ENTHD1: variants seen among roughly 807,000 people sequenced by gnomAD.
ENTHD1 encodes ENTH domain containing 1.
Under a neutral mutation model 39.1 loss-of-function variants are expected in ENTHD1, and 23 were observed. The ratio of observed to expected loss-of-function variants is 0.59; its 90% CI spans 0.42 to 0.83. ENTHD1 has a LOEUF of 0.83. ENTHD1 is among the 40% of genes least tolerant of loss of function. The probability of loss-of-function intolerance (pLI) is 0.00; values close to 1 mark genes in which losing one functional copy is unlikely to be tolerated. For missense variants in ENTHD1, 624 were observed against 705.4 expected (o/e 0.88, Z 1.31); for synonymous variants, 230 against 258.2 (o/e 0.89, Z 1.05).
chr22:39,851,698 A>G (rs2066041503), intron 3 of ENTHD1, among the ~76,000 whole-genome samples: 2 of 152,210 alleles, frequency 1.3e-5, no homozygotes, highest in Admixed American at 1.3e-4. Flanking sequence ...CTGATCTACT[A>G]ACAACTGCTC....
At chr22:39,790,568 C>T (rs1450689356) in intron 5 of ENTHD1, among the ~76,000 whole-genome samples, 1 of 152,208 alleles carries the variant, frequency 6.6e-6, no homozygotes, top group Non-Finnish European at 1.5e-5. Flanking sequence ...ACAGTTCTCT[C>T]CTACATAACT....
chr22:39,811,648 T>C (rs1328543889), intron 5 of ENTHD1, among the ~76,000 whole-genome samples: 3 of 152,318 alleles, frequency 2.0e-5, no homozygotes, highest in Admixed American at 6.5e-5. Context: ...GAGATGAAAC[T>C]GGATGTACGC....
At chr22:39,808,409 CT>C (rs1259214316) in intron 5 of ENTHD1, among the ~76,000 whole-genome samples, 1 of 152,160 alleles carries the variant, frequency 6.6e-6, no homozygotes, top group Non-Finnish European at 1.5e-5. Context: ...TAGCACAGTG[CT>C]TAGTACACAG....
At chr22:39,760,235 CAAATT>C (rs1361983122) in intron 6 of ENTHD1, among the ~76,000 whole-genome samples, 1 of 151,980 alleles carries the variant, frequency 6.6e-6, no homozygotes, top group Non-Finnish European at 1.5e-5. Flanking sequence ...AATAAAATCT[CAAATT>C]AAAACTGCAG....
rs111747918 is a variant in ENTHD1, at chr22:39,846,378, T to C, written c.593-10420A>G. ...ACCATGTCCAGCTAATTTGTTTTTT[T>C]TCTTAAGAGACAGGGTCAGATGAGT... On this transcript the variant is annotated intron_variant, in intron 3 of 6. Transcript: ENST00000325157. 2.8e-3 allele frequency among the ~76,000 whole-genome samples: 432 copies of C among 152,288 alleles called. 1 individual carries two copies. The highest frequency in any genetic ancestry group is 4.7e-3 in the Non-Finnish European group (323 of 68,022).
intron 4 of ENTHD1, among the ~76,000 whole-genome samples, chr22:39,826,654 T>A (rs1302057329): frequency 6.6e-6 from 1 of 152,198 alleles, no homozygotes; most frequent in Admixed American, 6.5e-5. Context: ...TGAACCTTAA[T>A]GTAAACTGGA....
chr22:39,790,171 G>T (rs1224663222), intron 5 of ENTHD1, among the ~76,000 whole-genome samples: 3 of 152,158 alleles, frequency 2.0e-5, no homozygotes, highest in Non-Finnish European at 4.4e-5. Flanking sequence ...GTCCCTGGGA[G>T]GTGCTTAAGC....
At chr22:39,816,558 A>G (rs1409922404) in intron 5 of ENTHD1, among the ~76,000 whole-genome samples, 1 of 152,232 alleles carries the variant, frequency 6.6e-6, no homozygotes, top group East Asian at 1.9e-4. Flanking sequence ...AGTGCAGGTT[A>G]AAGAGTCATT....
At chr22:39,844,502 C>T (rs2146692019) in intron 3 of ENTHD1, among the ~76,000 whole-genome samples, 1 of 152,208 alleles carries the variant, frequency 6.6e-6, no homozygotes, top group African/African-American at 2.4e-5. Flanking sequence ...GTAGCTGACT[C>T]CTGGGTTAAG....
chr22:39,880,630 T>C (rs2066329502), intron 2 of ENTHD1, among the ~76,000 whole-genome samples: 2 of 152,218 alleles, frequency 1.3e-5, no homozygotes, highest in South Asian at 4.1e-4. Flanking sequence ...GCTGTGAATC[T>C]GAAACTGCTC....
intron 5 of ENTHD1, among the ~76,000 whole-genome samples, chr22:39,766,842 A>G (rs1013454877): frequency 2.6e-5 from 4 of 152,212 alleles, no homozygotes; most frequent in African/African-American, 7.2e-5. Context: ...AGACAGTTCA[A>G]GAAACTTACA....
At chr22:39,770,026 T>C (rs2065309332) in intron 5 of ENTHD1, among the ~76,000 whole-genome samples, 1 of 152,148 alleles carries the variant, frequency 6.6e-6, no homozygotes, top group Admixed American at 6.6e-5. Flanking sequence ...TCAAAGATAG[T>C]TGTATCTTGT....
At chr22:39,870,274 G>T (rs2066231339) in intron 2 of ENTHD1, among the ~76,000 whole-genome samples, 1 of 152,056 alleles carries the variant, frequency 6.6e-6, no homozygotes, top group Non-Finnish European at 1.5e-5. Context: ...CTCCCAAAGT[G>T]ATGGGATTAC....
intron 4 of ENTHD1, among the ~76,000 whole-genome samples, chr22:39,828,038 C>T (rs904866718): frequency 7.2e-5 from 11 of 152,160 alleles, no homozygotes; most frequent in African/African-American, 2.2e-4. Context: ...TTGAAATATA[C>T]ATTGAATGAT....
intron 6 of ENTHD1, among the ~76,000 whole-genome samples, chr22:39,756,628 C>T (rs143658825): frequency 2.0e-4 from 30 of 152,190 alleles, no homozygotes; most frequent in African/African-American, 7.0e-4. Flanking sequence ...CCACAGTGCC[C>T]GGTCACACAC....
At chr22:39,793,195 A>T (rs2065518875) in intron 5 of ENTHD1, among the ~76,000 whole-genome samples, 1 of 151,728 alleles carries the variant, frequency 6.6e-6, no homozygotes, top group Non-Finnish European at 1.5e-5. Flanking sequence ...GATATTGACT[A>T]TTTTTTTCAT....
chr22:39,876,349 G>C (rs1177180327), intron 2 of ENTHD1, among the ~76,000 whole-genome samples: 1 of 152,068 alleles, frequency 6.6e-6, no homozygotes, highest in African/African-American at 2.4e-5. Flanking sequence ...AAGGTACAAC[G>C]TCTTTTAGCT....
chr22:39,771,390 G>C (rs1233158552), intron 5 of ENTHD1, among the ~76,000 whole-genome samples: 1 of 152,114 alleles, frequency 6.6e-6, no homozygotes, highest in Non-Finnish European at 1.5e-5. Context: ...AAAGTGGGCT[G>C]AAACCACAGT....
chr22:39,823,106 T>A (rs143094295), intron 4 of ENTHD1, among the ~76,000 whole-genome samples: 2 of 152,352 alleles, frequency 1.3e-5, no homozygotes, highest in African/African-American at 4.8e-5. Context: ...AAGAATGCTA[T>A]ATAAATGGAA....
Sources: allele counts gnomAD v4.1 joint callset (sites outside exome capture counted in the v4.1 genomes callset), GRCh38; gene constraint gnomAD v4.1.1; transcripts MANE v1.5; gene names NCBI Gene and HGNC (gene_info 2026-07-23, HGNC 2026-07-21).